TRHDE: variants seen among roughly 807,000 people sequenced by gnomAD.
The protein encoded by TRHDE is thyrotropin releasing hormone degrading enzyme.
In TRHDE, 72 loss-of-function variants were observed where a neutral mutation model predicts 125.7. The ratio of observed to expected loss-of-function variants is 0.57; its 90% CI spans 0.47 to 0.70. The LOEUF is 0.70. Among genes scored for constraint, TRHDE ranks in the 30% least tolerant of loss-of-function variants. The pLI, the probability that TRHDE is intolerant of heterozygous loss-of-function variation, is 0.00. For synonymous variants in TRHDE, 509 were observed against 509.1 expected, an observed-to-expected ratio of 1.00 and a Z score of 0.00; for missense variants, 1,110 against 1,327.1, an observed-to-expected ratio of 0.84 and a Z score of 2.54.
At chr12:72,290,231 G>A (rs1020575246) in intron 2 of TRHDE, among the ~76,000 whole-genome samples, 2 of 152,272 alleles carry the variant, frequency 1.3e-5, no homozygotes, top group African/African-American at 4.8e-5. Flanking sequence ...CCAGGGAGAT[G>A]TTAACAGGAA....
chr12:72,404,259 C>G (rs1384570547), intron 3 of TRHDE, among the ~76,000 whole-genome samples: 2 of 152,000 alleles, frequency 1.3e-5, no homozygotes, highest in African/African-American at 4.8e-5. Flanking sequence ...ACTAAAAACA[C>G]AGAGAAAATT....
chr12:72,449,783 C>A (rs1875483434), intron 3 of TRHDE, among the ~76,000 whole-genome samples: 1 of 151,930 alleles, frequency 6.6e-6, no homozygotes, highest in Admixed American at 6.6e-5. Flanking sequence ...ATTACTTTTC[C>A]TTTACTAGCA....
intron 2 of TRHDE, among the ~76,000 whole-genome samples, chr12:72,367,101 A>G (rs1036524825): frequency 2.6e-5 from 4 of 152,038 alleles, no homozygotes; most frequent in African/African-American, 9.7e-5. Flanking sequence ...CTCCCCATCC[A>G]TCACCAATTG....
chr12:72,554,184 T>C (rs1869814075), intron 7 of TRHDE, among the ~76,000 whole-genome samples: 1 of 152,090 alleles, frequency 6.6e-6, no homozygotes, highest in Admixed American at 6.5e-5. Context: ...TTCTAGAACA[T>C]TTTGGCTTCT....
At chr12:72,146,694 C>T (rs537150786) in intron 2 of TRHDE, among the ~76,000 whole-genome samples, 1 of 152,200 alleles carries the variant, frequency 6.6e-6, no homozygotes, top group South Asian at 2.1e-4. Flanking sequence ...CTGCAACTCC[C>T]GTGTTACAAA....
intron 5 of TRHDE, among the ~76,000 whole-genome samples, chr12:72,482,132 G>C (rs922322325): frequency 2.0e-5 from 3 of 151,818 alleles, no homozygotes; most frequent in African/African-American, 7.2e-5. Context: ...AGCCACTTGT[G>C]CTAATTTCTA....
At chr12:72,162,080 G>C (rs562332190) in intron 2 of TRHDE, among the ~76,000 whole-genome samples, 1 of 152,264 alleles carries the variant, frequency 6.6e-6, no homozygotes, top group South Asian at 2.1e-4. Context: ...AGAAAGTATG[G>C]CAAGACATAC....
intron 5 of TRHDE, among the ~76,000 whole-genome samples, chr12:72,490,650 T>C (rs1877626001): frequency 6.6e-6 from 1 of 151,554 alleles, no homozygotes; most frequent in Non-Finnish European, 1.5e-5. Context: ...GAATAAAATC[T>C]TGCCATTTGT....
intron 3 of TRHDE, among the ~76,000 whole-genome samples, chr12:72,415,965 C>G (rs2043587835): frequency 6.6e-6 from 1 of 152,034 alleles, no homozygotes; most frequent in Admixed American, 6.6e-5. Flanking sequence ...CCATACTGCT[C>G]TCCATAGTGG....
intron 2 of TRHDE, among the ~76,000 whole-genome samples, chr12:72,293,220 T>A (rs1465083668): frequency 3.3e-5 from 5 of 152,126 alleles, no homozygotes; most frequent in Non-Finnish European, 7.4e-5. Flanking sequence ...GCTAATATAT[T>A]TGAGTTTTTT....
Position 72,499,518 on chromosome 12 carries a change from C to T in TRHDE, c.1605C>T (p.Thr535=), listed in dbSNP as rs754910285. The T allele has an allele frequency of 1.9e-5, 31 of 1,613,456 alleles. No homozygotes were observed. The highest frequency in any genetic ancestry group is 1.3e-4 in the East Asian group (6 of 44,864). The part of the protein sequence containing the change: ...GWNMEKQRFL[T]DVLHEVMLLD... ...TGCAGGAAAAGCAGAGGTTTCTGACCGATGTTCTGCATGAAGTGATGCTGC... is the reference window on the plus strand; with the variant it reads ...TGCAGGAAAAGCAGAGGTTTCTGACTGATGTTCTGCATGAAGTGATGCTGC... Residue 535 remains threonine (T), a synonymous_variant, in exon 6 of 19, where the codon ACC becomes ACT. Transcript: ENST00000261180.
chr12:72,275,246 G>A (rs909676093), intron 1 of TRHDE, among the ~76,000 whole-genome samples: 6 of 152,178 alleles, frequency 3.9e-5, no homozygotes, highest in African/African-American at 1.2e-4. Context: ...TGTGTAAGAG[G>A]CTGGGGAAAT....
intron 6 of TRHDE, among the ~76,000 whole-genome samples, chr12:72,518,058 C>T (rs1878972128): frequency 1.4e-5 from 2 of 147,886 alleles, no homozygotes; most frequent in Admixed American, 1.3e-4. Context: ...GAGAGCTTTA[C>T]TTCCAAGTAT....
intron 2 of TRHDE, among the ~76,000 whole-genome samples, chr12:72,152,387 T>C (rs1876389504): frequency 1.3e-5 from 2 of 151,922 alleles, no homozygotes; most frequent in African/African-American, 4.8e-5. Context: ...ATACCCTTTA[T>C]TTCCTTCTCC....
intron 2 of TRHDE, among the ~76,000 whole-genome samples, chr12:72,205,921 A>T (rs1352093312): frequency 6.6e-6 from 1 of 151,810 alleles, no homozygotes; most frequent in East Asian, 1.9e-4. Flanking sequence ...TTTTGAGAAG[A>T]CTCCATGCTG....
chr12:72,469,405 AT>A (rs1287732934), intron 3 of TRHDE, among the ~76,000 whole-genome samples: 1 of 152,192 alleles, frequency 6.6e-6, no homozygotes, highest in Admixed American at 6.5e-5. Context: ...AGTCAAATAT[AT>A]TTTCATTAGA....
At chr12:72,447,914 G>T (rs1349601876) in intron 3 of TRHDE, among the ~76,000 whole-genome samples, 1 of 151,980 alleles carries the variant, frequency 6.6e-6, no homozygotes, top group Non-Finnish European at 1.5e-5. Flanking sequence ...TAGCTCTCTT[G>T]TCAGAAAAAA....
At chr12:72,184,110 C>T (rs1019407262) in intron 2 of TRHDE, among the ~76,000 whole-genome samples, 4 of 152,022 alleles carry the variant, frequency 2.6e-5, no homozygotes, top group African/African-American at 4.8e-5. Context: ...GTTGTGCAGG[C>T]CACTCGTTCA....
chr12:72,195,591 GTTGT>G (rs763251097), intron 2 of TRHDE, among the ~76,000 whole-genome samples: 13 of 152,006 alleles, frequency 8.6e-5, no homozygotes, highest in South Asian at 2.1e-4. Flanking sequence ...TTTCAATGAG[GTTGT>G]TTGTTTTTTG....
Sources: gnomAD v4.1 joint callset for allele counts (sites outside exome capture counted in the v4.1 genomes callset) on GRCh38, gnomAD v4.1.1 for gene constraint, MANE v1.5 for transcripts, NCBI Gene and HGNC (gene_info 2026-07-23, HGNC 2026-07-21) for gene names.